LARP4B: variants seen among roughly 807,000 people sequenced by gnomAD.
LARP4B encodes the protein La ribonucleoprotein 4B, also known as la-related protein 4B.
LARP4B carries 12 observed loss-of-function variants against 89.8 expected under a neutral mutation model. The ratio of observed to expected loss-of-function variants is 0.13; its 90% CI spans 0.09 to 0.22. The LOEUF (loss-of-function observed/expected upper bound fraction) is 0.22, where lower values mean the gene tolerates loss of function less well. Among genes scored for constraint, LARP4B ranks in the 10% least tolerant of loss-of-function variants. The pLI, the probability that LARP4B is intolerant of heterozygous loss-of-function variation, is 1.00. For missense variants in LARP4B, 757 were observed against 947.7 expected (o/e 0.80, Z 2.64); for synonymous variants, 367 against 363.3 (o/e 1.01, Z -0.12).
intron 3 of LARP4B, among the ~76,000 whole-genome samples, chr10:868,614 C>T (rs1835036814): frequency 6.6e-6 from 1 of 152,182 alleles, no homozygotes; most frequent in African/African-American, 2.4e-5. Context: ...TATGTCACTT[C>T]TGTAAAAGAT....
In LARP4B at chr10:842,841, A is replaced by G. The variant is rs1833590585; in HGVS notation, c.646+91T>C. 2.5e-6 allele frequency: 3 copies of G among 1,196,504 alleles called. 1 individual carries two copies. Among genetic ancestry groups the G allele is most frequent in the Non-Finnish European group, 1.2e-6 (1 of 839,208 alleles). 74.1% of individuals were successfully genotyped at this position (1,196,504 alleles called of 1,614,324 possible). On this transcript the variant is annotated intron_variant, in intron 7 of 17. Transcript: ENST00000316157. ...AATCTGATTCGCCATCAAGGACCTT[A>G]ACGTTTGATGGCTATAGATTTAAAG...
At chr10:873,406 G>A (rs144880792) in intron 3 of LARP4B, 234 of 985,012 alleles carry the variant, frequency 2.4e-4, no homozygotes, top group Middle Eastern at 1.0e-3. Context: ...AGAATGCTGC[G>A]CTGTATTTTT....
intron 5 of LARP4B, among the ~76,000 whole-genome samples, chr10:845,631 G>A (rs139429095): frequency 7.0e-4 from 106 of 152,174 alleles, no homozygotes; most frequent in Non-Finnish European, 6.5e-4. Flanking sequence ...AACAAAAGCT[G>A]GTTCTAAATC....
chr10:847,996 CAGG>C (rs1301201567), intron 5 of LARP4B, among the ~76,000 whole-genome samples: 1 of 152,200 alleles, frequency 6.6e-6, no homozygotes, highest in Non-Finnish European at 1.5e-5. Flanking sequence ...GGCCAGACAG[CAGG>C]AGGAGCTCCA....
chr10:832,814 T>C (rs1832978961), intron 8 of LARP4B, among the ~76,000 whole-genome samples: 1 of 152,124 alleles, frequency 6.6e-6, no homozygotes, highest in Admixed American at 6.5e-5. Context: ...CAAGACATGC[T>C]AAAGGAATGT....
intron 8 of LARP4B, among the ~76,000 whole-genome samples, chr10:834,799 T>C (rs1239445936): frequency 2.0e-5 from 3 of 152,162 alleles, no homozygotes; most frequent in Admixed American, 6.5e-5. Flanking sequence ...AAAATTAGGA[T>C]CTATGTTTTA....
At position 902,596 on chromosome 10, in the gene LARP4B, G is replaced by A. The variant is rs141172711; in HGVS notation, c.-39-16836C>T. On this transcript the variant is annotated intron_variant, in intron 1 of 17. Transcript: ENST00000316157. The stretch of plus-strand genomic sequence containing the variant: ...TCTAAGCAGGGCACAGCTGCAGCAC[G>A]TTCACTTCATTTAACCTCAAGTTGA... Among the ~76,000 whole-genome samples the A allele has an allele frequency of 5.5e-3, 824 of 151,112 alleles. 6 individuals carry two copies. The highest frequency in any genetic ancestry group is 0.019 in the African/African-American group (774 of 41,130).
the LARP4B span, among the ~76,000 whole-genome samples, chr10:967,768 T>C: frequency 6.6e-6 from 1 of 152,182 alleles, no homozygotes; most frequent in Non-Finnish European, 1.5e-5. Context: ...AGCCATGATC[T>C]CGGCTCACTG....
chr10:845,902 CAAAGTT>C (rs1833756138), intron 5 of LARP4B, among the ~76,000 whole-genome samples: 2 of 152,116 alleles, frequency 1.3e-5, no homozygotes, highest in African/African-American at 4.8e-5. Context: ...TCTTAAAAGT[CAAAGTT>C]AAAGACCATG....
intron 11 of LARP4B, among the ~76,000 whole-genome samples, chr10:828,142 C>G (rs1251720980): frequency 6.6e-6 from 1 of 152,242 alleles, no homozygotes; most frequent in Non-Finnish European, 1.5e-5. Flanking sequence ...TGCCTCAGGA[C>G]AGCTAAGCAC....
the LARP4B span, among the ~76,000 whole-genome samples, chr10:978,366 TAA>T: frequency 1.3e-5 from 2 of 152,238 alleles, no homozygotes; most frequent in African/African-American, 4.8e-5. Context: ...TGGTTTACAT[TAA>T]AGTTATCTTT....
intron 11 of LARP4B, among the ~76,000 whole-genome samples, chr10:827,156 G>A (rs952172452): frequency 1.3e-5 from 2 of 151,966 alleles, no homozygotes; most frequent in African/African-American, 4.8e-5. Context: ...GGCGCCTGTA[G>A]TCCCAGCTAC....
chr10:847,676 A>C (rs1295623411), intron 5 of LARP4B, among the ~76,000 whole-genome samples: 2 of 152,020 alleles, frequency 1.3e-5, no homozygotes, highest in Non-Finnish European at 2.9e-5. Context: ...ACAGGCGCAC[A>C]CCACCAGGCC....
At chr10:834,201 T>G (rs1833078054) in intron 8 of LARP4B, among the ~76,000 whole-genome samples, 1 of 152,194 alleles carries the variant, frequency 6.6e-6, no homozygotes, top group Non-Finnish European at 1.5e-5. Flanking sequence ...TTCCAGGGAT[T>G]CTAATGCCCT....
intron 1 of LARP4B, among the ~76,000 whole-genome samples, chr10:898,044 AAAG>A (rs1836240875): frequency 6.6e-6 from 1 of 151,452 alleles, no homozygotes; most frequent in Non-Finnish European, 1.5e-5. Context: ...ACATTTTCCC[AAAG>A]AAGATATACA....
At chr10:874,934 G>A (rs993666244) in intron 3 of LARP4B, among the ~76,000 whole-genome samples, 4 of 151,972 alleles carry the variant, frequency 2.6e-5, no homozygotes, top group Admixed American at 2.6e-4. Context: ...TTTGTCACAC[G>A]TCTTAATTTG....
intron 3 of LARP4B, among the ~76,000 whole-genome samples, chr10:869,777 G>A (rs983615087): frequency 1.3e-5 from 2 of 151,798 alleles, no homozygotes; most frequent in Admixed American, 6.6e-5. Context: ...CCAATTACTC[G>A]GGAGGCTGAG....
chr10:943,872 A>G, the LARP4B span, among the ~76,000 whole-genome samples: 1 of 151,872 alleles, frequency 6.6e-6, no homozygotes, highest in African/African-American at 2.4e-5. Flanking sequence ...CCACAACATC[A>G]GAGCCGCTGC....
chr10:935,705 C>G (rs1169457207), upstream of LARP4B, among the ~76,000 whole-genome samples: 2 of 143,554 alleles, frequency 1.4e-5, no homozygotes, highest in African/African-American at 5.2e-5. Context: ...TTTTCTTTTT[C>G]TTTTTTCTTT....
Sources: allele counts gnomAD v4.1 joint callset (sites outside exome capture counted in the v4.1 genomes callset), GRCh38; gene constraint gnomAD v4.1.1; transcripts MANE v1.5; gene names NCBI Gene and HGNC (gene_info 2026-07-23, HGNC 2026-07-21).